EIF4E3: variants seen among roughly 807,000 people sequenced by gnomAD.
EIF4E3 encodes eukaryotic translation initiation factor 4E type 3.
In EIF4E3, 26 loss-of-function variants were observed where a neutral mutation model predicts 31.7. That is an observed-to-expected ratio of 0.82 (90% CI 0.60 to 1.14). The LOEUF (loss-of-function observed/expected upper bound fraction) is 1.14. EIF4E3 is among the 50% of genes most tolerant of loss of function. EIF4E3 has a pLI of 0.00. For synonymous variants in EIF4E3, 128 were observed against 107.7 expected (o/e 1.19, Z -1.17); for missense variants, 304 against 270.9 (o/e 1.12, Z -0.86).
chr3:71,753,566 C>T (rs1003848179), exon 1 of EIF4E3: 1 of 149,834 alleles, frequency 6.7e-6, no homozygotes, highest in Non-Finnish European at 1.5e-5. Flanking sequence ...CCAGCCCAGC[C>T]GGGCCCAGGC....
rs148473156 is a variant in EIF4E3, at chr3:71,721,037, A to G, written c.176+4155T>C. Among the ~76,000 whole-genome samples, 710 of 152,342 alleles carry G rather than the reference A, an allele frequency of 4.7e-3. 7 individuals carry two copies. Among genetic ancestry groups the G allele is most frequent in the African/African-American group, 0.016 (684 of 41,562 alleles). ...GTGGTCAGCAGAAAAGAAAGAGAAT[A>G]GAGAGAAATGAGCTCAGTCACTGAA... On this transcript the variant is annotated intron_variant, in intron 1 of 6. Transcript: ENST00000425534.
rs558003859 is a variant in EIF4E3 at position 71,720,402 on chromosome 3, C to A, written c.176+4790G>T. Among the ~76,000 whole-genome samples the A allele has an allele frequency of 1.4e-3, 217 of 151,942 alleles. 4 individuals carry two copies. The highest frequency in any genetic ancestry group is 6.3e-3 in the Admixed American group (96 of 15,252). ...TAGAGACGAGGTATTGCTATGTTGC[C>A]TAGGCTGGTCTCAAACTCCTGGCCT... is the stretch of plus-strand genomic sequence containing the variant. On this transcript the variant is annotated intron_variant, in intron 1 of 6. Coordinates refer to ENST00000425534, the MANE Select transcript of EIF4E3 (RefSeq NM_001134651.2).
At chr3:71,735,236 T>C (rs1413548695) in intron 1 of EIF4E3, among the ~76,000 whole-genome samples, 1 of 152,238 alleles carries the variant, frequency 6.6e-6, no homozygotes, top group East Asian at 1.9e-4. Context: ...TAATTTCCTT[T>C]ATTTTACATA....
At chr3:71,745,672 G>T (rs1382560655) in intron 1 of EIF4E3, among the ~76,000 whole-genome samples, 1 of 152,138 alleles carries the variant, frequency 6.6e-6, no homozygotes, top group Non-Finnish European at 1.5e-5. Flanking sequence ...TAAGGAATAG[G>T]TTTGATCTTG....
Position 71,678,087 on chromosome 3 carries a change from CAT to C in EIF4E3, c.*6593_*6594del, listed in dbSNP as rs2048888028. The C allele has an allele frequency of 6.6e-6, 1 of 152,156 alleles. No individual in the cohort carries two copies. The highest frequency in any genetic ancestry group is 2.1e-4 in the South Asian group (1 of 4,830). 9.4% of individuals were successfully genotyped at this position (152,156 alleles called of 1,614,324 possible). ...CAGACTCCATGCTAGCAGCGTCACACATATTAGAGGTGTTGGACAGAAACTTT... is the reference window on the plus strand; with the variant it reads ...CAGACTCCATGCTAGCAGCGTCACACATTAGAGGTGTTGGACAGAAACTTT... On this transcript the variant is annotated 3_prime_UTR_variant, in exon 7 of 7. Coordinates refer to ENST00000425534, the MANE Select transcript of EIF4E3 (RefSeq NM_001134651.2).
At chr3:71,674,500 C>A (rs372122703), downstream of EIF4E3, among the ~76,000 whole-genome samples, 2 of 152,132 alleles carry the variant, frequency 1.3e-5, no homozygotes, top group Admixed American at 1.3e-4. Context: ...GGCAAATCAA[C>A]GCAGAAGTCA....
At chr3:71,718,929 C>G (rs956596932) in intron 1 of EIF4E3, among the ~76,000 whole-genome samples, 6 of 152,186 alleles carry the variant, frequency 3.9e-5, no homozygotes, top group African/African-American at 1.2e-4. Context: ...AGTTCAGATG[C>G]CAGCCACTCT....
chr3:71,750,321 A>T (rs1255762732), intron 1 of EIF4E3, among the ~76,000 whole-genome samples: 1 of 152,192 alleles, frequency 6.6e-6, no homozygotes, highest in African/African-American at 2.4e-5. Context: ...GACTTGTCGA[A>T]CACCATGTGC....
downstream of EIF4E3, among the ~76,000 whole-genome samples, chr3:71,674,194 C>A (rs1258582151): frequency 6.9e-6 from 1 of 145,164 alleles, no homozygotes; most frequent in Admixed American, 7.3e-5. Context: ...GCAACCTCTG[C>A]CTCCTAGGTT....
chr3:71,709,728 G>A (rs183792820), intron 2 of EIF4E3, among the ~76,000 whole-genome samples: 1 of 152,158 alleles, frequency 6.6e-6, no homozygotes, highest in Non-Finnish European at 1.5e-5. Context: ...ATCAGAGTTA[G>A]ATAGAGAAAG....
At chr3:71,709,406 G>T (rs776211038) in intron 2 of EIF4E3, among the ~76,000 whole-genome samples, 4 of 152,138 alleles carry the variant, frequency 2.6e-5, no homozygotes, top group Non-Finnish European at 5.9e-5. Context: ...TTGAGACAAG[G>T]TCTTGCTCTG....
At chr3:71,710,349 G>A in intron 2 of EIF4E3, 63 bp downstream of exon 2, 1 of 1,515,098 alleles carries the variant, frequency 6.6e-7, no homozygotes, top group Non-Finnish European at 9.0e-7. Context: ...CAGATTTCAA[G>A]TTGGGTGATT....
At chr3:71,715,272 TAACA>T (rs1175726656) in intron 1 of EIF4E3, among the ~76,000 whole-genome samples, 8 of 152,350 alleles carry the variant, frequency 5.3e-5, no homozygotes, top group Admixed American at 4.6e-4. Flanking sequence ...TGGCAATGTT[TAACA>T]AATAGTCTCA....
chr3:71,754,020 G>A (rs2049969377), upstream of EIF4E3: 4 of 1,138,202 alleles, frequency 3.5e-6, no homozygotes, highest in Non-Finnish European at 4.3e-6. The surrounding 1 kb of genome is among the most constrained non-coding windows in gnomAD (Gnocchi z 5.8). Context: ...GACGGCCCCG[G>A]GGCGGAGCGC....
chr3:71,719,920 G>A (rs1352620143), intron 1 of EIF4E3, among the ~76,000 whole-genome samples: 1 of 151,906 alleles, frequency 6.6e-6, no homozygotes, highest in Non-Finnish European at 1.5e-5. Context: ...AGGCTGAGGT[G>A]GAGGGATTGC....
chr3:71,712,644 G>GC (rs35405190), intron 1 of EIF4E3, among the ~76,000 whole-genome samples: 35,425 of 123,088 alleles, frequency 0.29, 5,763 homozygotes, highest in Middle Eastern at 0.43. Context: ...GTGGGCGGGG[G>GC]AGATTCTAGG....
chr3:71,732,358 T>C lies in EIF4E3; in HGVS notation c.-290-3735A>G, dbSNP rs554144742. 1.1e-3 allele frequency among the ~76,000 whole-genome samples: 168 copies of C among 152,160 alleles called. 2 individuals carry two copies. The highest frequency in any genetic ancestry group is 4.2e-3 in the Admixed American group (64 of 15,274). ...GAGTTCTAGAGACACAGCTGGGCAG[T>C]GCCCAAACTACTTTCCTGATTTAAA... On this transcript the variant is annotated intron_variant, in intron 1 of 7. Transcript: ENST00000295612.
At chr3:71,754,106 C>T (rs752681966), upstream of EIF4E3, 5 of 1,400,518 alleles carry the variant, frequency 3.6e-6, no homozygotes, top group Admixed American at 9.4e-5. The surrounding 1 kb of genome is among the most constrained non-coding windows in gnomAD (Gnocchi z 5.8). Context: ...CCGCCCTGGG[C>T]CTCAAGCTGG....
chr3:71,753,816 CTAGGGCG>C (rs908023922), upstream of EIF4E3, among the ~76,000 whole-genome samples: 1 of 148,578 alleles, frequency 6.7e-6, no homozygotes, highest in African/African-American at 2.4e-5. Flanking sequence ...CCCGCGGCGC[CTAGGGCG>C]CAGGGAGTGG....
Sources: gnomAD v4.1 joint callset for allele counts (sites outside exome capture counted in the v4.1 genomes callset) on GRCh38, gnomAD v4.1.1 for gene constraint, Gnocchi (gnomAD v3.1) non-coding constraint, MANE v1.5 for transcripts, NCBI Gene and HGNC (gene_info 2026-07-23, HGNC 2026-07-21) for gene names.